GALNT13: variants seen among roughly 807,000 people sequenced by gnomAD.
GALNT13 encodes polypeptide N-acetylgalactosaminyltransferase 13, also known as UDP-GalNAc:polypeptide N-acetylgalactosaminyltransferase 13.
Under a neutral mutation model 64.2 loss-of-function variants are expected in GALNT13, and 28 were observed. The observed-to-expected ratio is 0.44, with a 90% confidence interval of 0.32 to 0.60. The LOEUF (loss-of-function observed/expected upper bound fraction) is 0.60, where lower values mean the gene tolerates loss of function less well. Among genes scored for constraint, GALNT13 ranks in the 20% least tolerant of loss-of-function variants. The pLI, the probability that GALNT13 is intolerant of heterozygous loss-of-function variation, is 0.05. For missense variants in GALNT13, 577 were observed against 669.8 expected (o/e 0.86, Z 1.53); for synonymous variants, 214 against 224.6 (o/e 0.95, Z 0.42).
chr2:154,292,120 AT>A (rs1367056114), intron 8 of GALNT13, among the ~76,000 whole-genome samples: 2 of 151,762 alleles, frequency 1.3e-5, no homozygotes, highest in Non-Finnish European at 2.9e-5. Flanking sequence ...TTCAATATCC[AT>A]TTTGATGTGA....
chr2:154,142,687 T>A (rs776175782), intron 4 of GALNT13, among the ~76,000 whole-genome samples: 2 of 151,896 alleles, frequency 1.3e-5, no homozygotes, highest in Non-Finnish European at 2.9e-5. Flanking sequence ...TTTTGAAATG[T>A]CTCTCTCAAC....
chr2:154,409,725 C>T (rs1008997176), intron 11 of GALNT13, among the ~76,000 whole-genome samples: 3 of 151,922 alleles, frequency 2.0e-5, no homozygotes, highest in Non-Finnish European at 2.9e-5. Context: ...ACTATACCAA[C>T]AAAGCAGAGT....
At chr2:153,415,886 G>T in the GALNT13 span, among the ~76,000 whole-genome samples, 2 of 152,112 alleles carry the variant, frequency 1.3e-5, no homozygotes, top group African/African-American at 4.8e-5. Flanking sequence ...AATCAGAAAA[G>T]AATTAAGTAA....
At chr2:153,556,105 A>G in the GALNT13 span, among the ~76,000 whole-genome samples, 1 of 152,136 alleles carries the variant, frequency 6.6e-6, no homozygotes, top group Non-Finnish European at 1.5e-5. Context: ...AATATTTTTC[A>G]TTCATTTTTC....
At chr2:153,078,237 T>C in the GALNT13 span, among the ~76,000 whole-genome samples, 1 of 152,248 alleles carries the variant, frequency 6.6e-6, no homozygotes, top group East Asian at 1.9e-4. Context: ...TTTTGTATTA[T>C]TTTCTATCAA....
intron 3 of GALNT13, among the ~76,000 whole-genome samples, chr2:154,089,011 A>C (rs1701669124): frequency 6.6e-6 from 1 of 152,052 alleles, no homozygotes; most frequent in African/African-American, 2.4e-5. Context: ...TTACCTGATT[A>C]TCTATGGTGA....
chr2:153,190,437 C>T, the GALNT13 span, among the ~76,000 whole-genome samples: 1 of 151,966 alleles, frequency 6.6e-6, no homozygotes, highest in Non-Finnish European at 1.5e-5. Context: ...TTTGATTTGT[C>T]TATGTGTCTG....
chr2:153,458,629 G>T, the GALNT13 span, among the ~76,000 whole-genome samples: 2 of 152,108 alleles, frequency 1.3e-5, no homozygotes, highest in South Asian at 4.2e-4. Context: ...TATAATCTGC[G>T]GACAGATTCT....
the GALNT13 span, among the ~76,000 whole-genome samples, chr2:153,168,416 T>A: frequency 6.6e-6 from 1 of 152,158 alleles, no homozygotes; most frequent in African/African-American, 2.4e-5. Flanking sequence ...ATTTATTGAG[T>A]CATAATTGAC....
intron 2 of GALNT13, among the ~76,000 whole-genome samples, chr2:153,907,340 T>C (rs1688640758): frequency 6.6e-6 from 1 of 151,810 alleles, no homozygotes; most frequent in Non-Finnish European, 1.5e-5. Flanking sequence ...CATATAATTA[T>C]ATACATATGT....
the GALNT13 span, among the ~76,000 whole-genome samples, chr2:153,205,817 G>C: frequency 6.6e-6 from 1 of 151,860 alleles, no homozygotes; most frequent in Non-Finnish European, 1.5e-5. Flanking sequence ...TGCAAAACTG[G>C]CTTTGTTTCA....
At chr2:153,137,855 C>G in the GALNT13 span, among the ~76,000 whole-genome samples, 3 of 152,022 alleles carry the variant, frequency 2.0e-5, no homozygotes, top group South Asian at 4.1e-4. Context: ...TCCTGGGAAC[C>G]TCTCAGTTCT....
At chr2:153,595,877 TATTTA>T in the GALNT13 span, among the ~76,000 whole-genome samples, 1 of 152,214 alleles carries the variant, frequency 6.6e-6, no homozygotes, top group African/African-American at 2.4e-5. Context: ...CCAAACAATA[TATTTA>T]GACATGCAAC....
chr2:153,615,531 G>C, the GALNT13 span, among the ~76,000 whole-genome samples: 1 of 151,962 alleles, frequency 6.6e-6, no homozygotes, highest in African/African-American at 2.4e-5. Context: ...ATCCTCACCA[G>C]CTTTGTTATT....
At chr2:154,358,598 T>G (rs1574153692) in intron 9 of GALNT13, among the ~76,000 whole-genome samples, 1 of 152,204 alleles carries the variant, frequency 6.6e-6, no homozygotes, top group Middle Eastern at 3.4e-3. Context: ...AAATCATATT[T>G]GGATCCATGG....
intron 3 of GALNT13, among the ~76,000 whole-genome samples, chr2:154,021,949 A>G (rs1450044686): frequency 6.6e-6 from 1 of 152,088 alleles, no homozygotes; most frequent in Non-Finnish European, 1.5e-5. Flanking sequence ...TTCTGCATCT[A>G]TTGAGATAAT....
At chr2:153,686,391 T>C in the GALNT13 span, among the ~76,000 whole-genome samples, 2 of 151,734 alleles carry the variant, frequency 1.3e-5, no homozygotes, top group African/African-American at 4.8e-5. Flanking sequence ...CCTAGGTATT[T>C]TATTATTTTT....
the GALNT13 span, among the ~76,000 whole-genome samples, chr2:153,353,946 A>T: frequency 3.3e-5 from 5 of 152,132 alleles, no homozygotes; most frequent in Middle Eastern, 3.2e-3. Flanking sequence ...TTCAGCTTAT[A>T]ATTTCTGGAA....
chr2:154,062,060 G>GT (rs1558937248), intron 3 of GALNT13, among the ~76,000 whole-genome samples: 1 of 151,898 alleles, frequency 6.6e-6, no homozygotes, highest in Non-Finnish European at 1.5e-5. Flanking sequence ...TTTGTATGTT[G>GT]TTTTTCAGAG....
Sources: gnomAD v4.1 joint callset for allele counts (sites outside exome capture counted in the v4.1 genomes callset) on GRCh38, gnomAD v4.1.1 for gene constraint, MANE v1.5 for transcripts, NCBI Gene and HGNC (gene_info 2026-07-23, HGNC 2026-07-21) for gene names.